The following GLYATL1B variants were observed in gnomAD, a reference collection of about 807,000 sequenced individuals.
GLYATL1B encodes the protein putative glycine N-acyltransferase-like protein 1B.
Under a neutral mutation model 5.5 loss-of-function variants are expected in GLYATL1B, and 6 were observed. The observed-to-expected ratio is 1.09, with a 90% CI of 0.60 to 2.15. The LOEUF (loss-of-function observed/expected upper bound fraction) is 2.15. Among genes scored for constraint, GLYATL1B ranks in the 30% most tolerant of loss-of-function variants. The pLI is 0.00. For synonymous variants in GLYATL1B, 67 were observed against 34.9 expected (o/e 1.92, Z -3.24); for missense variants, 135 against 94.1 (o/e 1.43, Z -1.80).
rs116902710 is a variant in GLYATL1B, at chr11:59,087,373, G to T, written c.186+202G>T. Among the ~76,000 whole-genome samples, 1,410 of 150,500 alleles carry T rather than the reference G, an allele frequency of 9.4e-3. 23 individuals are homozygous for T. Among genetic ancestry groups the T allele is most frequent in the East Asian group, 0.024 (122 of 5,164 alleles). On this transcript the variant is annotated intron_variant, in intron 2 of 4. Transcript: ENST00000527482. ...GCATAAGACTCATTAGGGAAAGGGG[G>T]TCAAGGGGGAAGGGGAGGAAAAGGA...
At chr11:59,087,547 T>C (rs180987295) in intron 2 of GLYATL1B, among the ~76,000 whole-genome samples, 32 of 152,206 alleles carry the variant, frequency 2.1e-4, no homozygotes, top group South Asian at 1.5e-3. Flanking sequence ...AGTCTACCAG[T>C]AAAATTACAT....
intron 1 of GLYATL1B, 129 bp from the exon 2 acceptor site, chr11:59,086,935 G>T: frequency 2.3e-6 from 1 of 438,712 alleles, no homozygotes; most frequent in East Asian, 3.4e-5. Context: ...TGGAGATGCT[G>T]TTCATCTCAT....
At chr11:59,091,318 C>T (rs1340529325) in intron 2 of GLYATL1B, among the ~76,000 whole-genome samples, 1 of 152,100 alleles carries the variant, frequency 6.6e-6, no homozygotes, top group Non-Finnish European at 1.5e-5. Context: ...GTAAAATAAT[C>T]TAATTTTGGC....
At chr11:59,092,876 A>G (rs117081001) in intron 2 of GLYATL1B, among the ~76,000 whole-genome samples, 48 of 152,236 alleles carry the variant, frequency 3.2e-4, no homozygotes, top group Middle Eastern at 3.2e-3. Flanking sequence ...CTTAATGTTT[A>G]TATTCACTAA....
chr11:59,092,812 T>A (rs978019388), intron 2 of GLYATL1B, among the ~76,000 whole-genome samples: 1 of 152,214 alleles, frequency 6.6e-6, no homozygotes, highest in Non-Finnish European at 1.5e-5. Context: ...GTAAAGGCCA[T>A]GTCACTCTTC....
chr11:59,093,169 G>A (rs1859354895), intron 2 of GLYATL1B, among the ~76,000 whole-genome samples: 1 of 152,176 alleles, frequency 6.6e-6, no homozygotes, highest in Non-Finnish European at 1.5e-5. Flanking sequence ...TCTGCTGGGC[G>A]CTCTGTGATG....
At chr11:59,092,655 G>C (rs1859340863) in intron 2 of GLYATL1B, among the ~76,000 whole-genome samples, 2 of 152,192 alleles carry the variant, frequency 1.3e-5, no homozygotes, top group African/African-American at 4.8e-5. Context: ...CTGATAAACA[G>C]ATACTCATCG....
At chr11:59,093,428 T>C in intron 2 of GLYATL1B, 101 bp from the exon 3 acceptor site, 2 of 423,482 alleles carry the variant, frequency 4.7e-6, no homozygotes, top group Non-Finnish European at 8.5e-6. Context: ...GGGCTAGTGC[T>C]AAAACTTTCT....
intron 3 of GLYATL1B, 52 bp from the exon 4 acceptor site, chr11:59,093,882 G>GTT (rs1344564025): frequency 1.6e-6 from 1 of 613,756 alleles, no homozygotes; most frequent in Non-Finnish European, 2.9e-6. Flanking sequence ...TGTGAGCAGT[G>GTT]TAAGTAGAGA....
At chr11:59,088,806 T>G (rs1268538797) in intron 2 of GLYATL1B, among the ~76,000 whole-genome samples, 1 of 152,238 alleles carries the variant, frequency 6.6e-6, no homozygotes, top group Non-Finnish European at 1.5e-5. Flanking sequence ...GCAATTTACT[T>G]GGAAATACAT....
intron 2 of GLYATL1B, among the ~76,000 whole-genome samples, chr11:59,089,130 G>A (rs771890430): frequency 2.6e-5 from 4 of 151,996 alleles, no homozygotes; most frequent in African/African-American, 7.3e-5. Context: ...TTCTGTAATC[G>A]CTTTTTAATT....
At position 59,088,868 on chromosome 11, in the gene GLYATL1B, A is replaced by G. The variant is rs537763149; in HGVS notation, c.186+1697A>G. On this transcript the variant is annotated intron_variant, in intron 2 of 4. Coordinates refer to ENST00000527482, the MANE Select transcript of GLYATL1B (RefSeq NM_001355566.1). ...CATGTTTCTTTCAGTATTGAAAATC[A>G]ATGCAATTTTGAAGAAGACCTTTTT... Among the ~76,000 whole-genome samples, 185 of 152,356 alleles carry G rather than the reference A, an allele frequency of 1.2e-3. 1 individual carries two copies. The highest frequency in any genetic ancestry group is 3.1e-4 in the Non-Finnish European group (21 of 68,034).
At position 59,089,388 on chromosome 11, in the gene GLYATL1B, G is replaced by C. The variant is rs1273446608; in HGVS notation, c.186+2217G>C. The stretch of plus-strand genomic sequence containing the variant: ...TGGTTTCCAAAAGGGATAAGTCCAA[G>C]TCAGAGCTTATCTTATCCTAAGTAG... On this transcript the variant is annotated intron_variant, in intron 2 of 4. Transcript: ENST00000527482. Among the ~76,000 whole-genome samples the C allele has an allele frequency of 2.6e-5, 4 of 152,158 alleles. No homozygotes were observed. The East Asian group carries it at 5.8e-4, about 22-fold the overall frequency.
chr11:59,093,094 G>A (rs1859352976), intron 2 of GLYATL1B, among the ~76,000 whole-genome samples: 1 of 152,176 alleles, frequency 6.6e-6, no homozygotes, highest in African/African-American at 2.4e-5. Flanking sequence ...TATATAACAG[G>A]GGGATATGTG....
In GLYATL1B at chr11:59,087,180, A is replaced by G. The variant is rs1859208584; in HGVS notation, c.186+9A>G. 1 of 591,218 alleles carries G rather than the reference A, an allele frequency of 1.7e-6. No homozygotes were observed. Among genetic ancestry groups the G allele is most frequent in the South Asian group, 2.9e-5 (1 of 34,132 alleles). The allele number at this position is 591,218 out of a possible 1,614,324, so 36.6% of individuals were successfully genotyped here. On this transcript the variant is annotated intron_variant, in intron 2 of 4. Coordinates refer to ENST00000527482, the MANE Select transcript of GLYATL1B (RefSeq NM_001355566.1). ...TCCGACCTCAAAAACAGGTAGGCAC[A>G]CAGACAGGGACTGGTGGAGCCAGGC...
chr11:59,093,643 C>T lies in GLYATL1B; in HGVS notation c.301C>T (p.Leu101Phe), dbSNP rs546349572. ...TGAGATCATAAACTGGAAACAGAAA[C>T]TCCAAATCCAAGGTAACAAGTCTGA... ...NSEIINWKQK[L>F]QIQGFQESLG... The change falls in exon 3 of 5, where the codon CTC becomes TTC. Residue 101 changes from leucine to phenylalanine, a missense_variant. Coordinates refer to ENST00000527482, the MANE Select transcript of GLYATL1B (RefSeq NM_001355566.1). 1.9e-3 allele frequency: 988 copies of T among 510,202 alleles called. 1 individual carries two copies. The highest frequency in any genetic ancestry group is 5.5e-3 in the Middle Eastern group (17 of 3,090). The allele number at this position is 510,202 out of a possible 1,614,324, so 31.6% of individuals were successfully genotyped here.
intron 2 of GLYATL1B, among the ~76,000 whole-genome samples, chr11:59,091,332 T>G (rs1293977991): frequency 1.3e-5 from 2 of 152,214 alleles, no homozygotes; most frequent in Non-Finnish European, 2.9e-5. Context: ...TTTTGGCTAC[T>G]TTTTAGTTTG....
chr11:59,089,432 C>T (rs1306523594), intron 2 of GLYATL1B, among the ~76,000 whole-genome samples: 1 of 152,186 alleles, frequency 6.6e-6, no homozygotes, highest in Non-Finnish European at 1.5e-5. Context: ...AGACTACCCT[C>T]CCAAAGGATT....
chr11:59,087,673 C>G (rs1859218188), intron 2 of GLYATL1B, among the ~76,000 whole-genome samples: 1 of 152,072 alleles, frequency 6.6e-6, no homozygotes, highest in South Asian at 2.1e-4. Flanking sequence ...AATGAGACCT[C>G]ATCTCTACAA....
Sources: allele counts gnomAD v4.1 joint callset (sites outside exome capture counted in the v4.1 genomes callset), GRCh38; gene constraint gnomAD v4.1.1; transcripts MANE v1.5; gene names NCBI Gene and HGNC (gene_info 2026-07-23, HGNC 2026-07-21).